The following NUP188 variants were observed in gnomAD, a reference collection of about 807,000 sequenced individuals.
NUP188 encodes the protein nucleoporin 188, also known as nucleoporin NUP188.
Under a neutral mutation model 223.0 loss-of-function variants are expected in NUP188, and 97 were observed. The ratio of observed to expected loss-of-function variants is 0.43; its 90% CI spans 0.37 to 0.51. The LOEUF is 0.51. Among genes scored for constraint, NUP188 ranks in the 20% least tolerant of loss-of-function variants. The pLI is 0.00. For missense variants in NUP188, 1,947 were observed against 2,175.6 expected, an observed-to-expected ratio of 0.89 and a Z score of 2.09; for synonymous variants, 869 against 828.0, an observed-to-expected ratio of 1.05 and a Z score of -0.85.
At chr9:128,976,157 C>G (rs192214898) in intron 12 of NUP188, among the ~76,000 whole-genome samples, 1 of 152,264 alleles carries the variant, frequency 6.6e-6, no homozygotes, top group African/African-American at 2.4e-5. Flanking sequence ...CAAGATGTTA[C>G]AGGATTATCT....
At chr9:129,001,008 G>T (rs1842649261) in intron 34 of NUP188, among the ~76,000 whole-genome samples, 1 of 152,162 alleles carries the variant, frequency 6.6e-6, no homozygotes, top group African/African-American at 2.4e-5. Context: ...CTGCACTCCA[G>T]CCTGGGGGAC....
intron 10 of NUP188, 80 bp downstream of exon 10, chr9:128,969,594 T>C (rs1225792382): frequency 1.3e-6 from 1 of 747,672 alleles, no homozygotes; most frequent in African/African-American, 1.8e-5. Flanking sequence ...CTGCATAAAA[T>C]TTTCAGTGTT....
intron 2 of NUP188, among the ~76,000 whole-genome samples, chr9:128,949,919 CT>C (rs35705253): frequency 0.33 from 27,073 of 83,132 alleles, 1,511 homozygotes; most frequent in African/African-American, 0.41. Context: ...GTGACGGCCA[CT>C]TTTTTTTTTT....
intron 12 of NUP188, among the ~76,000 whole-genome samples, chr9:128,974,608 A>G (rs1842147294): frequency 1.3e-5 from 2 of 152,084 alleles, no homozygotes; most frequent in South Asian, 2.1e-4. Flanking sequence ...GCCCATCACC[A>G]GCTTCTACCA....
intron 41 of NUP188, 29 bp from the exon 42 acceptor site, chr9:129,006,021 C>CT: frequency 6.2e-7 from 1 of 1,613,264 alleles, no homozygotes; most frequent in Non-Finnish European, 8.5e-7. Flanking sequence ...TTCCTGTTGT[C>CT]TTAGTTTTTT....
At chr9:128,979,092 A>G (rs965868349) in intron 12 of NUP188, among the ~76,000 whole-genome samples, 170 bp from the exon 13 acceptor site, 2 of 152,168 alleles carry the variant, frequency 1.3e-5, no homozygotes, top group Non-Finnish European at 2.9e-5. Context: ...GTTTTCAAGA[A>G]GAGGATTTAC....
Position 128,947,748 on chromosome 9 carries a change from T to G in NUP188, c.29T>G (p.Val10Gly). MAAAAGGPC[V>G]RSSRELWTIL... ...GCGGCGGCCGCCGGCGGGCCGTGTG[T>G]GAGGTGCGGAGCGGGTCGAATGGAC... is the stretch of plus-strand genomic sequence containing the variant. The change falls in exon 1 of 44, where the codon GTG becomes GGG. Residue 10 changes from valine (V) to glycine (G), a missense_variant. Transcript: ENST00000372577. The G allele has an allele frequency of 6.8e-7, 1 of 1,469,542 alleles. No homozygotes were observed. Among genetic ancestry groups the G allele is most frequent in the Non-Finnish European group, 9.0e-7 (1 of 1,113,030 alleles). The allele number at this position is 1,469,542 out of a possible 1,614,324, so 91.0% of individuals were successfully genotyped here. A position where few individuals can be genotyped will look rare whatever the true frequency, so the allele number is the denominator to read the frequency against.
rs1554828110 is a variant in NUP188 at position 128,961,622 on chromosome 9, A to ATT, written c.585+2503_585+2504dup. Among the ~76,000 whole-genome samples, 85 of 133,942 alleles carry ATT rather than the reference A, an allele frequency of 6.3e-4. 1 individual carries two copies. Among genetic ancestry groups the ATT allele is most frequent in the African/African-American group, 1.0e-3 (35 of 34,900 alleles). 87.9% of individuals were successfully genotyped at this position (133,942 alleles called of 152,430 possible). A position where few individuals can be genotyped will look rare whatever the true frequency, so the allele number is the denominator to read the frequency against. On this transcript the variant is annotated intron_variant, in intron 8 of 43. Coordinates refer to ENST00000372577, the MANE Select transcript of NUP188 (RefSeq NM_015354.3). ...GATAGATAGATAGATAGATAGATAG[A>ATT]TTTTTTTTTTTTTTTTGAGACGGAG...
At chr9:128,974,273 ACTT>A (rs1842140439) in intron 12 of NUP188, among the ~76,000 whole-genome samples, 1 of 150,986 alleles carries the variant, frequency 6.6e-6, no homozygotes, top group East Asian at 1.9e-4. Context: ...AAACTCCAGG[ACTT>A]CTCACCTCGG....
intron 12 of NUP188, among the ~76,000 whole-genome samples, chr9:128,977,588 C>A (rs912124606): frequency 6.6e-6 from 1 of 151,904 alleles, no homozygotes; most frequent in African/African-American, 2.4e-5. Context: ...GGCAGGCGGG[C>A]CACCTGAGGT....
Position 129,006,733 on chromosome 9 carries a change from C to T in NUP188, c.*55C>T. The T allele has an allele frequency of 6.5e-7, 1 of 1,543,808 alleles. No homozygotes were observed. Among genetic ancestry groups the T allele is most frequent in the Non-Finnish European group, 8.7e-7 (1 of 1,149,780 alleles). ...TCCACCAGCCTACACTGCACCCTGG[C>T]TGGCAGGGGTGCTGCTGGCTGCTAG... On this transcript the variant is annotated 3_prime_UTR_variant, in exon 44 of 44. Transcript: ENST00000372577.
chr9:128,969,612 T>A, intron 10 of NUP188, 98 bp downstream of exon 10: 1 of 671,724 alleles, frequency 1.5e-6, no homozygotes, highest in Non-Finnish European at 2.5e-6. Context: ...GTTGTGGAAC[T>A]ACATTGTTCA....
At chr9:128,958,623 T>C (rs905890032) in intron 6 of NUP188, among the ~76,000 whole-genome samples, 179 bp from the exon 7 acceptor site, 2 of 152,204 alleles carry the variant, frequency 1.3e-5, no homozygotes, top group African/African-American at 4.8e-5. Context: ...TATATTCTGG[T>C]TTATGAATGT....
intron 2 of NUP188, among the ~76,000 whole-genome samples, chr9:128,950,432 G>C (rs1220833602): frequency 6.6e-6 from 1 of 152,152 alleles, no homozygotes; most frequent in African/African-American, 2.4e-5. Context: ...TGTTGGCCAG[G>C]CTGGTCTTGA....
intron 38 of NUP188, chr9:129,003,675 T>G (rs1842719796): frequency 1.5e-6 from 1 of 647,746 alleles, no homozygotes. Flanking sequence ...CTTTTATCAG[T>G]TAGATCTTGG....
At position 128,999,404 on chromosome 9, in the gene NUP188, C is replaced by T; in HGVS notation, c.3661+87C>T. 4 of 1,507,648 alleles carry T rather than the reference C, an allele frequency of 2.7e-6. No homozygotes were observed. The South Asian group carries it at 4.9e-5, about 19-fold the overall frequency. 93.4% of individuals were successfully genotyped at this position (1,507,648 alleles called of 1,614,324 possible). Reference sequence around the variant, plus strand: ...CAGGGCTTCCTTCAGCTTAGGGCCACACATTTCTTCTGGGACTTTTGAGTT... The same window carrying T: ...CAGGGCTTCCTTCAGCTTAGGGCCATACATTTCTTCTGGGACTTTTGAGTT... On this transcript the variant is annotated intron_variant, in intron 33 of 43. Transcript: ENST00000372577.
chr9:129,003,250 G>A (rs529463405), intron 37 of NUP188, 67 bp from the exon 38 acceptor site: 675 of 1,546,184 alleles, frequency 4.4e-4, no homozygotes, highest in Non-Finnish European at 5.6e-4. Flanking sequence ...TCCACAGGAG[G>A]GTAGGTGTGG....
At chr9:129,000,968 C>T (rs899778324) in intron 34 of NUP188, among the ~76,000 whole-genome samples, 13 of 151,858 alleles carry the variant, frequency 8.6e-5, no homozygotes, top group African/African-American at 2.4e-4. Context: ...AACCCAGGAG[C>T]GGAGGTTGCA....
intron 12 of NUP188, among the ~76,000 whole-genome samples, chr9:128,976,910 C>G (rs1842183722): frequency 6.6e-6 from 1 of 151,916 alleles, no homozygotes; most frequent in African/African-American, 2.4e-5. Context: ...AGCCCTGTCT[C>G]TACCAAAAAT....
Sources: gnomAD v4.1 joint callset for allele counts (sites outside exome capture counted in the v4.1 genomes callset) on GRCh38, gnomAD v4.1.1 for gene constraint, MANE v1.5 for transcripts, NCBI Gene and HGNC (gene_info 2026-07-23, HGNC 2026-07-21) for gene names.